Variants in SLC25A21 observed in about 807,000 individuals in gnomAD.
SLC25A21 encodes solute carrier family 25 member 21.
SLC25A21 carries 47 observed loss-of-function variants against 43.8 expected under a neutral mutation model. The ratio of observed to expected loss-of-function variants is 1.07; its 90% CI spans 0.85 to 1.37. The LOEUF (loss-of-function observed/expected upper bound fraction) is 1.37. Among genes scored for constraint, SLC25A21 ranks in the 40% most tolerant of loss-of-function variants. The pLI, the probability that SLC25A21 is intolerant of heterozygous loss-of-function variation, is 0.00. For synonymous variants in SLC25A21, 131 were observed against 121.3 expected (o/e 1.08, Z -0.52); for missense variants, 352 against 350.2 (o/e 1.00, Z -0.04).
At chr14:36,702,643 A>G (rs1029673223) in intron 7 of SLC25A21, among the ~76,000 whole-genome samples, 3 of 152,150 alleles carry the variant, frequency 2.0e-5, no homozygotes, top group African/African-American at 7.2e-5. Context: ...GGAATGATTC[A>G]GTTCCTTGTG....
rs1566485325 is a variant in SLC25A21 at position 36,679,997 on chromosome 14, CTATT to C, written c.*657_*660del. 5 of 816,620 alleles carry C rather than the reference CTATT, an allele frequency of 6.1e-6. No individual in the cohort carries two copies. Among genetic ancestry groups the C allele is most frequent in the Non-Finnish European group, 4.3e-6 (3 of 703,362 alleles). 50.6% of individuals were successfully genotyped at this position (816,620 alleles called of 1,614,324 possible). A position where few individuals can be genotyped will look rare whatever the true frequency, so the allele number is the denominator to read the frequency against. On this transcript the variant is annotated 3_prime_UTR_variant, in exon 10 of 10. Coordinates refer to ENST00000331299, the MANE Select transcript of SLC25A21 (RefSeq NM_030631.4). ...TGTTTTAAACAATGTTTTAAAATAC[CTATT>C]TATTATCTTACAGCAATATGAGATA... is the stretch of plus-strand genomic sequence containing the variant.
At chr14:36,980,024 A>G (rs980904285) in intron 1 of SLC25A21, among the ~76,000 whole-genome samples, 5 of 152,178 alleles carry the variant, frequency 3.3e-5, no homozygotes, top group African/African-American at 1.2e-4. Flanking sequence ...AGTAGTAGTT[A>G]CCTATAGGGA....
intron 1 of SLC25A21, among the ~76,000 whole-genome samples, chr14:36,876,103 T>C (rs1890514454): frequency 6.6e-6 from 1 of 152,182 alleles, no homozygotes; most frequent in Admixed American, 6.6e-5. Context: ...ACAACAGTAT[T>C]TGTGAGTAGT....
At position 36,901,636 on chromosome 14, in the gene SLC25A21, T is replaced by G. The variant is rs141741193; in HGVS notation, c.71-26632A>C. ...TATTATTTTTTATTTTGGTTTTAGT[T>G]GTAAAAGTACCAGTTAGTGGAAAAT... On this transcript the variant is annotated intron_variant, in intron 1 of 9. Coordinates refer to ENST00000331299, the MANE Select transcript of SLC25A21 (RefSeq NM_030631.4). Among the ~76,000 whole-genome samples the G allele has an allele frequency of 2.1e-3, 323 of 152,262 alleles. 1 individual carries two copies. Among genetic ancestry groups the G allele is most frequent in the African/African-American group, 6.6e-3 (275 of 41,590 alleles).
chr14:37,122,617 T>A (rs1963228701), intron 1 of SLC25A21, among the ~76,000 whole-genome samples: 1 of 128,644 alleles, frequency 7.8e-6, no homozygotes, highest in South Asian at 3.0e-4. Context: ...AATGTACACA[T>A]GTAAAGAAAC....
intron 3 of SLC25A21, among the ~76,000 whole-genome samples, chr14:36,749,446 T>C (rs1350559070): frequency 6.6e-6 from 1 of 152,166 alleles, no homozygotes; most frequent in Non-Finnish European, 1.5e-5. Context: ...CCCAACTGGT[T>C]TGCCTACAGT....
intron 1 of SLC25A21, among the ~76,000 whole-genome samples, chr14:36,967,831 C>CG (rs1566778740): frequency 6.8e-4 from 103 of 151,828 alleles, no homozygotes; most frequent in East Asian, 2.3e-3. Flanking sequence ...GCCACATGCA[C>CG]TTGTGTGTGT....
rs531729350 is a variant in SLC25A21 at position 37,103,335 on chromosome 14, C to G, written c.70+68946G>C. ...GCCTGGCTTCCAAATTGGGCCTGATCTCTTAACTTACTGAGGAATTCTAAA... is the reference window on the plus strand; with the variant it reads ...GCCTGGCTTCCAAATTGGGCCTGATGTCTTAACTTACTGAGGAATTCTAAA... On this transcript the variant is annotated intron_variant, in intron 1 of 9. Transcript: ENST00000331299. Among the ~76,000 whole-genome samples the G allele has an allele frequency of 4.6e-5, 7 of 152,270 alleles. No individual in the cohort carries two copies. In the South Asian group the frequency reaches 1.5e-3, roughly 32 times the overall value.
chr14:36,834,031 G>C (rs185645009), intron 2 of SLC25A21, among the ~76,000 whole-genome samples: 21 of 152,184 alleles, frequency 1.4e-4, no homozygotes, highest in Admixed American at 3.9e-4. Context: ...CCCTACCTTT[G>C]GACCTTTTGG....
chr14:37,028,546 T>C (rs1315054478), intron 1 of SLC25A21, among the ~76,000 whole-genome samples: 4 of 152,204 alleles, frequency 2.6e-5, no homozygotes, highest in Non-Finnish European at 5.9e-5. Context: ...TATTATCTGA[T>C]GCAAGACAGT....
intron 3 of SLC25A21, among the ~76,000 whole-genome samples, chr14:36,764,168 G>A (rs1886300701): frequency 1.4e-5 from 1 of 71,966 alleles, no homozygotes; most frequent in Non-Finnish European, 2.4e-5. Context: ...AAGAAAGAAA[G>A]AAAGAAAGAA....
chr14:37,113,383 G>A (rs1040345119), intron 1 of SLC25A21, among the ~76,000 whole-genome samples: 1 of 152,154 alleles, frequency 6.6e-6, no homozygotes, highest in Non-Finnish European at 1.5e-5. Flanking sequence ...AAAATAAAGA[G>A]TGATACAGTA....
At chr14:37,124,903 G>A (rs958698663) in intron 1 of SLC25A21, among the ~76,000 whole-genome samples, 2 of 152,198 alleles carry the variant, frequency 1.3e-5, no homozygotes, top group Non-Finnish European at 2.9e-5. Context: ...CCTCTGCCAT[G>A]AGCCAAAGCT....
chr14:36,882,361 C>G (rs531577032), intron 1 of SLC25A21, among the ~76,000 whole-genome samples: 3 of 152,032 alleles, frequency 2.0e-5, no homozygotes, highest in Non-Finnish European at 2.9e-5. Flanking sequence ...CTAGCCTGGG[C>G]GACAGAGGGA....
At chr14:37,000,982 G>A (rs1244831909) in intron 1 of SLC25A21, among the ~76,000 whole-genome samples, 3 of 152,092 alleles carry the variant, frequency 2.0e-5, no homozygotes, top group Non-Finnish European at 4.4e-5. Context: ...TTATAGCAGT[G>A]TGAAAACAAA....
At chr14:36,988,828 A>G (rs1960201502) in intron 1 of SLC25A21, among the ~76,000 whole-genome samples, 1 of 152,194 alleles carries the variant, frequency 6.6e-6, no homozygotes, top group Non-Finnish European at 1.5e-5. Context: ...CAAACCTTTA[A>G]TTAAACACTC....
Position 36,724,862 on chromosome 14 carries a change from GT to G in SLC25A21, c.438+707del, listed in dbSNP as rs915261815. On this transcript the variant is annotated intron_variant, in intron 6 of 9. Transcript: ENST00000331299. ...GGTCATTTTTTAAAAAAATGACTCA[GT>G]TTTTTTTTTAAAGCAAAATAATGTT... Among the ~76,000 whole-genome samples the G allele has an allele frequency of 5.3e-5, 8 of 150,338 alleles. No individual in the cohort carries two copies. The East Asian group carries it at 5.9e-4, about 11-fold the overall frequency.
At chr14:36,684,509 C>T (rs1882440556) in intron 8 of SLC25A21, among the ~76,000 whole-genome samples, 1 of 152,158 alleles carries the variant, frequency 6.6e-6, no homozygotes, top group Non-Finnish European at 1.5e-5. Flanking sequence ...GTAGAAAGTT[C>T]ACCTTGGCAT....
chr14:37,110,950 G>C (rs1412368955), intron 1 of SLC25A21, among the ~76,000 whole-genome samples: 1 of 144,712 alleles, frequency 6.9e-6, no homozygotes, highest in African/African-American at 2.8e-5. Context: ...TTTTTGAACA[G>C]CAACAAAAAA....
Sources: allele counts gnomAD v4.1 joint callset (sites outside exome capture counted in the v4.1 genomes callset), GRCh38; gene constraint gnomAD v4.1.1; transcripts MANE v1.5; gene names NCBI Gene and HGNC (gene_info 2026-07-23, HGNC 2026-07-21).